The following RBL1 variants were observed in gnomAD, a reference collection of about 807,000 sequenced individuals.
RBL1 encodes retinoblastoma-like protein 1.
A neutral mutation model predicts 123.0 loss-of-function variants in RBL1; 82 were observed. The ratio of observed to expected loss-of-function variants is 0.67; its 90% confidence interval spans 0.56 to 0.80. RBL1 has a LOEUF of 0.80. Ranked by LOEUF, RBL1 falls within the 30% of genes least tolerant of loss-of-function variation. RBL1 has a pLI of 0.00. For missense variants in RBL1, 1,171 were observed against 1,299.6 expected (o/e 0.90, Z 1.52); for synonymous variants, 405 against 441.3 (o/e 0.92, Z 1.03).
intron 11 of RBL1, among the ~76,000 whole-genome samples, chr20:37,051,645 A>G (rs375727939): frequency 2.0e-5 from 3 of 152,312 alleles, no homozygotes; most frequent in African/African-American, 7.2e-5. Context: ...TATACAAAAA[A>G]AAATCTTTAC....
chr20:37,090,130 T>C (rs2065624277), intron 1 of RBL1, among the ~76,000 whole-genome samples: 2 of 152,318 alleles, frequency 1.3e-5, no homozygotes, highest in South Asian at 4.1e-4. Flanking sequence ...GTACCCCTTT[T>C]ATGTTTAGAT....
chr20:37,017,948 A>G (rs2064283719), intron 19 of RBL1, among the ~76,000 whole-genome samples: 1 of 151,988 alleles, frequency 6.6e-6, no homozygotes, highest in African/African-American at 2.4e-5. Context: ...ACATTTTCTT[A>G]ACAGACTCCT....
At chr20:37,024,215 G>A (rs553548725) in intron 16 of RBL1, among the ~76,000 whole-genome samples, 1 of 152,102 alleles carries the variant, frequency 6.6e-6, no homozygotes, top group African/African-American at 2.4e-5. Context: ...AATATAAAGA[G>A]AGACAAACAG....
At chr20:37,000,431 TCTGCCCAGCCAG>T (rs2146192038) in intron 21 of RBL1, among the ~76,000 whole-genome samples, 1 of 123,130 alleles carries the variant, frequency 8.1e-6, no homozygotes, top group East Asian at 3.4e-4. Context: ...GGGTCATCCC[TCTGCCCAGCCAG>T]CTGCCCGTCC....
At chr20:37,069,874 C>T (rs1275247340) in intron 2 of RBL1, among the ~76,000 whole-genome samples, 7 of 151,604 alleles carry the variant, frequency 4.6e-5, no homozygotes, top group East Asian at 2.0e-4. Context: ...CCCGGCCAGC[C>T]GCCCCGTCCA....
chr20:37,050,544 C>CA (rs148834732), intron 11 of RBL1, among the ~76,000 whole-genome samples: 1,177 of 10,900 alleles, frequency 0.11, 348 homozygotes, highest in African/African-American at 0.13. Flanking sequence ...GACTCTGTCT[C>CA]AAAAAAAAAA....
intron 15 of RBL1, among the ~76,000 whole-genome samples, chr20:37,034,234 G>C (rs573194375): frequency 6.6e-6 from 1 of 151,912 alleles, no homozygotes; most frequent in Non-Finnish European, 1.5e-5. Context: ...ACCATGCCCC[G>C]CATAAATCCT....
chr20:37,074,249 A>G (rs1328752603), intron 2 of RBL1, among the ~76,000 whole-genome samples: 1 of 151,998 alleles, frequency 6.6e-6, no homozygotes, highest in East Asian at 1.9e-4. Context: ...ACCTGTCTCT[A>G]TATAAAGTTT....
At chr20:37,082,430 G>C (rs2065467673) in intron 2 of RBL1, among the ~76,000 whole-genome samples, 1 of 151,934 alleles carries the variant, frequency 6.6e-6, no homozygotes, top group South Asian at 2.1e-4. Flanking sequence ...TCAACTTTAT[G>C]AATTTTATGT....
chr20:37,032,877 C>T lies in RBL1; in HGVS notation c.2171-1G>A, dbSNP rs6130388. On this transcript the variant is annotated splice_acceptor_variant, in intron 15 of 21. Coordinates refer to ENST00000373664, the MANE Select transcript of RBL1 (RefSeq NM_002895.5). LOFTEE classifies it high-confidence loss of function. Reference sequence around the variant, plus strand: ...ATCTCTCCAGCATCATTTGCGACACCTGAATGTATAAGCATTATTAGAAAT... The same window carrying T: ...ATCTCTCCAGCATCATTTGCGACACTTGAATGTATAAGCATTATTAGAAAT... 6.2e-7 allele frequency: 1 copy of T among 1,613,654 alleles called. No individual in the cohort carries two copies. The highest frequency in any genetic ancestry group is 1.1e-5 in the South Asian group (1 of 90,942).
intron 21 of RBL1, among the ~76,000 whole-genome samples, chr20:37,000,245 CCTCCGCCCGGCAGCCACT>C (rs1400219472): frequency 6.8e-6 from 1 of 146,122 alleles, no homozygotes; most frequent in East Asian, 2.1e-4. Flanking sequence ...GTGAGGAGCC[CCTCCGCCCGGCAGCCACT>C]CCGTCTGGGA....
rs921851491 is a variant in RBL1 at position 37,089,050 on chromosome 20, T to C, written c.229A>G (p.Lys77Glu). The C allele has an allele frequency of 6.2e-7, 1 of 1,612,830 alleles. No individual in the cohort carries two copies. Residue 77 changes from lysine (K) to glutamate (E), a missense_variant, in exon 2 of 22, where the codon AAG becomes GAG. Coordinates refer to ENST00000373664, the MANE Select transcript of RBL1 (RefSeq NM_002895.5). ...CRKSIIPTVGKGIMEGNCVSL... is the reference protein window; with the variant it reads ...CRKSIIPTVGEGIMEGNCVSL... Reference sequence around the variant, plus strand: ...ACACAGTTGCCTTCCATGATACCCTTTCCAACCGTGGGAATAATGCTTTTG... The same window carrying C: ...ACACAGTTGCCTTCCATGATACCCTCTCCAACCGTGGGAATAATGCTTTTG...
intron 9 of RBL1, among the ~76,000 whole-genome samples, chr20:37,059,165 T>C (rs1418117484): frequency 1.3e-5 from 2 of 152,354 alleles, no homozygotes; most frequent in Non-Finnish European, 2.9e-5. Flanking sequence ...TCAATCCAGA[T>C]CTATTTACTC....
intron 11 of RBL1, 138 bp from the exon 12 acceptor site, chr20:37,047,328 T>A: frequency 3.0e-6 from 3 of 1,007,876 alleles, no homozygotes; most frequent in South Asian, 1.9e-5. Flanking sequence ...AAAATTTGAG[T>A]TCTCAAATTG....
rs1315320338 is a variant in RBL1 at position 37,095,944 on chromosome 20, G to A, written c.-16C>T. The A allele has an allele frequency of 6.6e-7, 1 of 1,517,224 alleles. No homozygotes were observed. The allele number at this position is 1,517,224 out of a possible 1,614,324, so 94.0% of individuals were successfully genotyped here. A position where few individuals can be genotyped will look rare whatever the true frequency, so the allele number is the denominator to read the frequency against. ...CCTCGAACATCCCTTCAGGCCCCGC[G>A]GGCTGCGCGCCACGGCCCCCGACTT... On this transcript the variant is annotated 5_prime_UTR_variant, in exon 1 of 22. Coordinates refer to ENST00000373664, the MANE Select transcript of RBL1 (RefSeq NM_002895.5).
chr20:37,077,957 G>A lies in RBL1; in HGVS notation c.291-9771C>T, dbSNP rs188527665. 3.5e-3 allele frequency among the ~76,000 whole-genome samples: 539 copies of A among 152,240 alleles called. 3 individuals carry two copies. Among genetic ancestry groups the A allele is most frequent in the Non-Finnish European group, 5.7e-3 (388 of 68,008 alleles). On this transcript the variant is annotated intron_variant, in intron 2 of 21. Transcript: ENST00000373664. ...ACATCCTAATCCAGTAGCATGTATT[G>A]CATTTAGGTGTCATTTCCTTTCTGT... is the stretch of plus-strand genomic sequence containing the variant.
chr20:37,084,783 G>A (rs1480364863), intron 2 of RBL1, among the ~76,000 whole-genome samples: 2 of 151,296 alleles, frequency 1.3e-5, no homozygotes, highest in East Asian at 3.9e-4. Context: ...CTTTTTTTTT[G>A]AGACAGAGTT....
chr20:37,032,650 T>A lies in RBL1; in HGVS notation c.2382+15A>T. The A allele has an allele frequency of 6.2e-7, 1 of 1,613,380 alleles. No individual in the cohort carries two copies. The highest frequency in any genetic ancestry group is 8.5e-7 in the Non-Finnish European group (1 of 1,179,702). ...GATTAAACAAATTCTTCTAAAGTGC[T>A]ATAAAAACACATACCTTTCTGTAAA... On this transcript the variant is annotated intron_variant, in intron 16 of 21. Transcript: ENST00000373664.
At chr20:37,038,065 CACTGCAA>C in intron 14 of RBL1, among the ~76,000 whole-genome samples, 1 of 146,906 alleles carries the variant, frequency 6.8e-6, no homozygotes, top group Non-Finnish European at 1.5e-5. Flanking sequence ...GATCTCCGCT[CACTGCAA>C]ACTCCATCCC....
Sources: allele counts gnomAD v4.1 joint callset (sites outside exome capture counted in the v4.1 genomes callset), GRCh38; gene constraint gnomAD v4.1.1; transcripts MANE v1.5; gene names NCBI Gene and HGNC (gene_info 2026-07-23, HGNC 2026-07-21).